Variants in PALS1 observed in about 807,000 individuals in gnomAD.
The protein encoded by PALS1 is protein associated with LIN7 1, MAGUK p55 family member.
PALS1 carries 31 observed loss-of-function variants against 78.9 expected under a neutral mutation model. The observed-to-expected ratio is 0.39, with a 90% CI of 0.30 to 0.53. The LOEUF is 0.53. PALS1 is among the 20% of genes least tolerant of loss of function. The pLI is 0.67. For missense variants in PALS1, 704 were observed against 826.5 expected, an observed-to-expected ratio of 0.85 and a Z score of 1.82; for synonymous variants, 276 against 270.9, an observed-to-expected ratio of 1.02 and a Z score of -0.18.
Position 67,312,474 on chromosome 14 carries a change from T to C in PALS1, c.1042-53T>C, listed in dbSNP as rs957596827. 29 of 1,299,544 alleles carry C rather than the reference T, an allele frequency of 2.2e-5. 1 individual carries two copies. The Admixed American group carries it at 7.4e-4, about 33-fold the overall frequency. 80.5% of individuals were successfully genotyped at this position (1,299,544 alleles called of 1,614,324 possible). A position where few individuals can be genotyped will look rare whatever the true frequency, so the allele number is the denominator to read the frequency against. ...TTGTAGCATTTAAATTGTATTCATA[T>C]GAAACATTTTATATTGCCATTTATT... On this transcript the variant is annotated intron_variant, in intron 8 of 14. Coordinates refer to ENST00000261681, the MANE Select transcript of PALS1 (RefSeq NM_022474.4).
At chr14:67,277,265 G>A (rs1468621173) in intron 2 of PALS1, among the ~76,000 whole-genome samples, 1 of 129,284 alleles carries the variant, frequency 7.7e-6, no homozygotes, top group African/African-American at 2.9e-5. Context: ...TTAGAAAGAA[G>A]TCAAAATTTG....
chr14:67,277,148 A>G (rs1014321959), intron 2 of PALS1, among the ~76,000 whole-genome samples: 3 of 152,216 alleles, frequency 2.0e-5, no homozygotes, highest in South Asian at 2.1e-4. Context: ...CATATAATCA[A>G]TGCCTAACAT....
intron 8 of PALS1, among the ~76,000 whole-genome samples, chr14:67,309,672 C>T (rs1013734865): frequency 6.6e-6 from 1 of 152,146 alleles, no homozygotes; most frequent in East Asian, 1.9e-4. Context: ...ATATTCCCTC[C>T]TCACGGGTCT....
intron 3 of PALS1, among the ~76,000 whole-genome samples, chr14:67,280,307 A>C (rs1040158698): frequency 3.9e-5 from 6 of 152,226 alleles, no homozygotes; most frequent in Non-Finnish European, 7.4e-5. Context: ...CCAAGTGCTC[A>C]CTGAACTAGT....
intron 14 of PALS1, among the ~76,000 whole-genome samples, chr14:67,331,779 G>T (rs1338940208): frequency 1.2e-4 from 19 of 152,156 alleles, no homozygotes; most frequent in Non-Finnish European, 2.8e-4. Context: ...TCAGTTCTCT[G>T]TGGAGTCCTA....
At chr14:67,296,508 G>A (rs2044188357) in intron 4 of PALS1, among the ~76,000 whole-genome samples, 2 of 149,282 alleles carry the variant, frequency 1.3e-5, no homozygotes, top group African/African-American at 5.0e-5. Flanking sequence ...ATGAACCCGG[G>A]GAGGCAGAGC....
intron 2 of PALS1, among the ~76,000 whole-genome samples, chr14:67,276,723 A>G (rs952356040): frequency 3.3e-5 from 5 of 152,204 alleles, no homozygotes; most frequent in African/African-American, 9.6e-5. Flanking sequence ...TTTAAAGCAG[A>G]TTACTACCAG....
In PALS1 at chr14:67,263,715, T is replaced by G. The variant is rs187891147; in HGVS notation, c.-236-5986T>G. 8.5e-5 allele frequency among the ~76,000 whole-genome samples: 13 copies of G among 152,310 alleles called. No individual in the cohort carries two copies. In the East Asian group the frequency reaches 2.5e-3, roughly 29 times the overall value. On this transcript the variant is annotated intron_variant, in intron 1 of 14. Transcript: ENST00000261681. ...CTTGTTTTTCTCATTTGTAAACTGA[T>G]GATAACTTTGAGGAGTTGGAAGGAT...
intron 9 of PALS1, among the ~76,000 whole-genome samples, chr14:67,314,322 AG>A (rs1474435997): frequency 6.6e-6 from 1 of 152,234 alleles, no homozygotes; most frequent in Non-Finnish European, 1.5e-5. Context: ...TAAGCCAAAG[AG>A]ACTTTTCTGG....
At chr14:67,265,377 T>G (rs1046186616) in intron 1 of PALS1, among the ~76,000 whole-genome samples, 3 of 151,872 alleles carry the variant, frequency 2.0e-5, no homozygotes, top group Non-Finnish European at 4.4e-5. Flanking sequence ...GGCAACATAC[T>G]GAGACTCTGT....
intron 13 of PALS1, among the ~76,000 whole-genome samples, chr14:67,323,261 G>GTGTATATATATATA (rs1429954753): frequency 6.4e-5 from 8 of 124,190 alleles, no homozygotes; most frequent in South Asian, 2.5e-4. Context: ...GTGTGTGTGT[G>GTGTATATATATATA]TATATATATA....
rs1178521983 is a variant in PALS1, at chr14:67,333,208, A to G, written c.*252A>G. 1 of 338,468 alleles carries G rather than the reference A, an allele frequency of 3.0e-6. No homozygotes were observed. The highest frequency in any genetic ancestry group is 5.4e-6 in the Non-Finnish European group (1 of 185,606). 21.0% of individuals were successfully genotyped at this position (338,468 alleles called of 1,614,324 possible). On this transcript the variant is annotated 3_prime_UTR_variant, in exon 15 of 15. Transcript: ENST00000261681. ...GGGATTCTAAATGGAAGCTTTCAAC[A>G]GAGCATTCCATTTTGTCCTGTTAAA...
intron 1 of PALS1, among the ~76,000 whole-genome samples, chr14:67,255,942 C>T (rs1017944553): frequency 6.6e-6 from 1 of 152,222 alleles, no homozygotes; most frequent in African/African-American, 2.4e-5. Flanking sequence ...ATGCTTTGGC[C>T]TCCCAAAGTG....
At chr14:67,273,921 T>C (rs2084456206) in intron 2 of PALS1, among the ~76,000 whole-genome samples, 1 of 152,250 alleles carries the variant, frequency 6.6e-6, no homozygotes, top group Non-Finnish European at 1.5e-5. Context: ...GAATGTCTTC[T>C]TTTGAGAAGT....
At chr14:67,261,250 ATGAT>A (rs2084232151) in intron 1 of PALS1, among the ~76,000 whole-genome samples, 1 of 152,300 alleles carries the variant, frequency 6.6e-6, no homozygotes, top group East Asian at 1.9e-4. Flanking sequence ...ACTGTGTAAA[ATGAT>A]TGGCAATTAG....
At chr14:67,256,366 A>G (rs1417458870) in intron 1 of PALS1, among the ~76,000 whole-genome samples, 1 of 152,220 alleles carries the variant, frequency 6.6e-6, no homozygotes, top group Non-Finnish European at 1.5e-5. Context: ...AGTAGTCACA[A>G]TAAAAAGTAG....
chr14:67,320,370 A>G lies in PALS1; in HGVS notation c.1510A>G (p.Lys504Glu). 6.2e-7 allele frequency: 1 copy of G among 1,609,218 alleles called. No individual in the cohort carries two copies. The highest frequency in any genetic ancestry group is 8.5e-7 in the Non-Finnish European group (1 of 1,178,436). Residue 504 changes from lysine (K) to glutamate (E), a missense_variant, in exon 12 of 15, where the codon AAG becomes GAG. Lys to Glu is a moderately conservative substitution (Grantham distance 56). Coordinates refer to ENST00000261681, the MANE Select transcript of PALS1 (RefSeq NM_022474.4). ...GCGTCAGAGGCTCATGAACAAAGAAAAGGACCGCTTTGCATCTGCAGTTCC... is the reference window on the plus strand; with the variant it reads ...GCGTCAGAGGCTCATGAACAAAGAAGAGGACCGCTTTGCATCTGCAGTTCC... Reference protein sequence around the residue: ...ELRQRLMNKEKDRFASAVPHT... With the variant: ...ELRQRLMNKEEDRFASAVPHT...
chr14:67,261,033 C>G (rs1464983922), intron 1 of PALS1, among the ~76,000 whole-genome samples: 3 of 152,030 alleles, frequency 2.0e-5, no homozygotes. Flanking sequence ...TGACATTGGA[C>G]AAGTATTTAT....
chr14:67,292,977 T>C (rs565716332), intron 4 of PALS1, among the ~76,000 whole-genome samples: 1 of 152,172 alleles, frequency 6.6e-6, no homozygotes, highest in African/African-American at 2.4e-5. Context: ...GTAACAAATA[T>C]TTGAATTACT....
Sources: allele counts gnomAD v4.1 joint callset (sites outside exome capture counted in the v4.1 genomes callset), GRCh38; gene constraint gnomAD v4.1.1; transcripts MANE v1.5; gene names NCBI Gene and HGNC (gene_info 2026-07-23, HGNC 2026-07-21).